NEMP2: variants seen among roughly 807,000 people sequenced by gnomAD.
The protein encoded by NEMP2 is UPF0571 transmembrane protein.
Under a neutral mutation model 54.2 loss-of-function variants are expected in NEMP2, and 53 were observed. That is an observed-to-expected ratio of 0.98 (90% confidence interval 0.78 to 1.23). The LOEUF is 1.23. Among genes scored for constraint, NEMP2 ranks in the 50% most tolerant of loss-of-function variants. The pLI is 0.00. For synonymous variants in NEMP2, 197 were observed against 190.3 expected (o/e 1.04, Z -0.29); for missense variants, 455 against 511.3 (o/e 0.89, Z 1.06).
chr2:190,428,597 T>C, the NEMP2 span, among the ~76,000 whole-genome samples: 1 of 152,244 alleles, frequency 6.6e-6, no homozygotes, highest in Non-Finnish European at 1.5e-5. Flanking sequence ...TCAAAAATGC[T>C]ACAATGTGCA....
At chr2:190,516,866 A>T (rs1347924306) in intron 5 of NEMP2, among the ~76,000 whole-genome samples, 1 of 152,144 alleles carries the variant, frequency 6.6e-6, no homozygotes, top group African/African-American at 2.4e-5. Flanking sequence ...CAAGGCAGGC[A>T]GATCGCTGGA....
rs1392484067 is a variant in NEMP2, at chr2:190,523,594, T to G, written c.213+1669A>C. 8.6e-6 allele frequency among the ~76,000 whole-genome samples: 1 copy of G among 115,688 alleles called. No homozygotes were observed. The highest frequency in any genetic ancestry group is 2.9e-5 in the African/African-American group (1 of 34,882). 75.9% of individuals were successfully genotyped at this position (115,688 alleles called of 152,430 possible). On this transcript the variant is annotated intron_variant, in intron 2 of 8. Coordinates refer to ENST00000409150, the MANE Select transcript of NEMP2 (RefSeq NM_001142645.2). The surrounding 1 kb of genome is among the most constrained non-coding windows in gnomAD (Gnocchi z 5.3). Reference sequence around the variant, plus strand: ...CTAGTAGCAATGAACACACCTAATGTTGACTGTTCCTTGGAAAAAAAATGT... The same window carrying G: ...CTAGTAGCAATGAACACACCTAATGGTGACTGTTCCTTGGAAAAAAAATGT...
chr2:190,448,013 A>G, the NEMP2 span, among the ~76,000 whole-genome samples: 1 of 152,214 alleles, frequency 6.6e-6, no homozygotes, highest in African/African-American at 2.4e-5. Flanking sequence ...TTTTACTGGC[A>G]TCACATGGTT....
the NEMP2 span, among the ~76,000 whole-genome samples, chr2:190,457,417 C>T: frequency 2.0e-5 from 3 of 152,178 alleles, no homozygotes; most frequent in South Asian, 2.1e-4. The surrounding 1 kb of genome is among the most constrained non-coding windows in gnomAD (Gnocchi z 5.1). Flanking sequence ...TGGCCCCCTA[C>T]CCCCAGGACT....
chr2:190,579,258 C>T, the NEMP2 span, among the ~76,000 whole-genome samples: 1 of 151,226 alleles, frequency 6.6e-6, no homozygotes, highest in African/African-American at 2.4e-5. Context: ...GAATTAATAA[C>T]TGCAATGAAT....
the NEMP2 span, among the ~76,000 whole-genome samples, chr2:190,435,620 A>G: frequency 7.3e-6 from 1 of 137,926 alleles, no homozygotes; most frequent in South Asian, 2.3e-4. Flanking sequence ...TTTGAACAGT[A>G]AAATCAAGAA....
At chr2:190,640,127 CAAT>C in the NEMP2 span, among the ~76,000 whole-genome samples, 1 of 152,080 alleles carries the variant, frequency 6.6e-6, no homozygotes, top group Non-Finnish European at 1.5e-5. Flanking sequence ...GAGCATTTCT[CAAT>C]ATTATTAAAT....
chr2:190,424,014 C>A, the NEMP2 span, among the ~76,000 whole-genome samples: 1 of 152,146 alleles, frequency 6.6e-6, no homozygotes, highest in African/African-American at 2.4e-5. The surrounding 1 kb of genome is among the most constrained non-coding windows in gnomAD (Gnocchi z 5.9). Flanking sequence ...TTGGAGAATT[C>A]TTTACATATT....
At chr2:190,544,353 A>G in the NEMP2 span, among the ~76,000 whole-genome samples, 1,739 of 152,260 alleles carry the variant, frequency 0.011, 38 homozygotes, top group African/African-American at 0.038. Context: ...GATATTGTAT[A>G]GGATTAGAAT....
the NEMP2 span, among the ~76,000 whole-genome samples, chr2:190,483,835 CAAAAAAAAAAA>C: frequency 2.3e-5 from 2 of 86,680 alleles, no homozygotes; most frequent in Admixed American, 1.2e-4. Context: ...AACTCATTTT[CAAAAAAAAAAA>C]AAAAAAAAAA....
chr2:190,493,201 A>T, the NEMP2 span, among the ~76,000 whole-genome samples: 1 of 152,112 alleles, frequency 6.6e-6, no homozygotes, highest in Non-Finnish European at 1.5e-5. Context: ...ATTCCATGCA[A>T]ATGGACACCA....
chr2:190,526,160 T>C (rs1037530809), intron 1 of NEMP2, among the ~76,000 whole-genome samples: 2 of 152,190 alleles, frequency 1.3e-5, no homozygotes, highest in Non-Finnish European at 1.5e-5. Flanking sequence ...GATCCCATGT[T>C]ACTGGAGTCA....
rs919419659 is a variant in NEMP2 at position 190,509,497 on chromosome 2, C to G, written c.1131-185G>C. On this transcript the variant is annotated intron_variant, in intron 8 of 8. Transcript: ENST00000409150. This position sits in a 1 kb window ranked among gnomAD's most constrained non-coding sequence, Gnocchi z 6.1. ...TGTGATCCCTCTAAAAACAGCTATT[C>G]ATGGAAAGGGCAGAGAATTAGGGCA... is the stretch of plus-strand genomic sequence containing the variant. Among the ~76,000 whole-genome samples the G allele has an allele frequency of 2.6e-5, 4 of 152,148 alleles. No homozygotes were observed. The highest frequency in any genetic ancestry group is 5.9e-5 in the Non-Finnish European group (4 of 68,018).
the NEMP2 span, among the ~76,000 whole-genome samples, chr2:190,568,293 G>A: frequency 3.3e-5 from 5 of 152,152 alleles, no homozygotes; most frequent in African/African-American, 9.7e-5. The surrounding 1 kb of genome is among the most constrained non-coding windows in gnomAD (Gnocchi z 4.7). Flanking sequence ...TGTCACTAAG[G>A]AAATTAAAAT....
rs1374682857 is a variant in NEMP2, at chr2:190,509,210, G to C, written c.1233C>G (p.Leu411=). The C allele has an allele frequency of 9.0e-6, 14 of 1,551,638 alleles. No individual in the cohort carries two copies. Among genetic ancestry groups the C allele is most frequent in the Non-Finnish European group, 8.7e-6 (10 of 1,146,990 alleles). The part of the protein sequence containing the change: ...GLGGAFLEEQ[L]FNPSTA ...CATGTCAGGCAGTACTCGGGTTAAA[G>C]AGCTGCTCTTCCAAGAAGGCACCCC... is the stretch of plus-strand genomic sequence containing the variant. Residue 411 remains leucine (L), a synonymous_variant, in exon 9 of 9, where the codon CTC becomes CTG. Transcript: ENST00000409150. This position sits in a 1 kb window ranked among gnomAD's most constrained non-coding sequence, Gnocchi z 6.1.
the NEMP2 span, among the ~76,000 whole-genome samples, chr2:190,561,384 C>T: frequency 3.9e-5 from 6 of 152,198 alleles, no homozygotes; most frequent in African/African-American, 1.4e-4. The surrounding 1 kb of genome is among the most constrained non-coding windows in gnomAD (Gnocchi z 5.4). Context: ...AATTTATTTT[C>T]TCACACTTCC....
the NEMP2 span, among the ~76,000 whole-genome samples, chr2:190,447,710 C>T: frequency 6.6e-6 from 1 of 152,142 alleles, no homozygotes; most frequent in Admixed American, 6.5e-5. The surrounding 1 kb of genome is among the most constrained non-coding windows in gnomAD (Gnocchi z 4.5). Flanking sequence ...CCTCCAAAGA[C>T]ATTGATACCC....
At chr2:190,543,143 C>T in the NEMP2 span, among the ~76,000 whole-genome samples, 1 of 152,304 alleles carries the variant, frequency 6.6e-6, no homozygotes, top group East Asian at 1.9e-4. The surrounding 1 kb of genome is among the most constrained non-coding windows in gnomAD (Gnocchi z 4.7). Context: ...TTGCCTGGCA[C>T]TAATAAATAA....
chr2:190,524,720 T>C (rs572032122), intron 2 of NEMP2, among the ~76,000 whole-genome samples: 5 of 152,238 alleles, frequency 3.3e-5, no homozygotes, highest in Non-Finnish European at 5.9e-5. Flanking sequence ...TTGTTTACTA[T>C]TCCCCACCCT....
Sources: allele counts gnomAD v4.1 joint callset (sites outside exome capture counted in the v4.1 genomes callset), GRCh38; gene constraint gnomAD v4.1.1; non-coding constraint Gnocchi (gnomAD v3.1); transcripts MANE v1.5; gene names NCBI Gene and HGNC (gene_info 2026-07-23, HGNC 2026-07-21).